Variants in VPS13C observed in about 807,000 individuals in gnomAD.
VPS13C encodes the protein intermembrane lipid transfer protein VPS13C.
VPS13C carries 358 observed loss-of-function variants against 456.8 expected under a neutral mutation model. That is an observed-to-expected ratio of 0.78 (90% confidence interval 0.72 to 0.86). The LOEUF (loss-of-function observed/expected upper bound fraction) is 0.86, where lower values mean the gene tolerates loss of function less well. VPS13C is among the 40% of genes least tolerant of loss of function. The probability of loss-of-function intolerance (pLI) is 0.00; values close to 1 mark genes in which losing one functional copy is unlikely to be tolerated. For missense variants in VPS13C, 4,818 were observed against 4,385.4 expected, an observed-to-expected ratio of 1.10 and a Z score of -2.79; for synonymous variants, 1,578 against 1,486.7, an observed-to-expected ratio of 1.06 and a Z score of -1.41.
intron 11 of VPS13C, 93 bp downstream of exon 11, chr15:62,012,946 G>A: frequency 1.4e-6 from 1 of 690,946 alleles, no homozygotes; most frequent in South Asian, 2.7e-5. Flanking sequence ...TTAAACAAAT[G>A]GCTGATATCC....
rs200185661 is a variant in VPS13C at position 61,894,380 on chromosome 15, C to CAAT, written c.9106-3983_9106-3981dup. Among the ~76,000 whole-genome samples, 633 of 150,348 alleles carry CAAT rather than the reference C, an allele frequency of 4.2e-3. 4 individuals carry two copies. The highest frequency in any genetic ancestry group is 0.015 in the African/African-American group (604 of 41,092). On this transcript the variant is annotated intron_variant, in intron 66 of 84. Transcript: ENST00000644861. ...ATGGCAGTAGTAAGTCCTTACTTAT[C>CAAT]AATAATAATAATGAATGTAAATAGA...
Position 62,023,562 on chromosome 15 carries a change from C to T in VPS13C, c.515-42G>A, listed in dbSNP as rs760794056. 1.5e-5 allele frequency: 21 copies of T among 1,401,478 alleles called. No individual in the cohort carries two copies. In the South Asian group the frequency reaches 2.7e-4, roughly 18 times the overall value. 86.8% of individuals were successfully genotyped at this position (1,401,478 alleles called of 1,614,324 possible). ...AAATACAAGCTCAAGAGTTGAAATT[C>T]TCATATACCTCAAAATTAATAACCA... On this transcript the variant is annotated intron_variant, in intron 7 of 84. Coordinates refer to ENST00000644861, the MANE Select transcript of VPS13C (RefSeq NM_020821.3).
rs1276915471 is a variant in VPS13C at position 61,951,810 on chromosome 15, T to C, written c.4456+14A>G. On this transcript the variant is annotated intron_variant, in intron 39 of 84. Transcript: ENST00000644861. ...CCTAATGAATAATTTACACAGACAA[T>C]ATTTCACACTTACCAGTGAAATCAA... 1 of 1,601,562 alleles carries C rather than the reference T, an allele frequency of 6.2e-7. No individual in the cohort carries two copies. The highest frequency in any genetic ancestry group is 1.3e-5 in the African/African-American group (1 of 74,468).
chr15:61,921,021 G>A (rs915531445), intron 55 of VPS13C, among the ~76,000 whole-genome samples: 1 of 152,010 alleles, frequency 6.6e-6, no homozygotes, highest in African/African-American at 2.4e-5. Context: ...GTGCCACCTG[G>A]AAATGTTTCT....
At chr15:61,915,349 T>G (rs2043436082) in intron 61 of VPS13C, among the ~76,000 whole-genome samples, 1 of 152,182 alleles carries the variant, frequency 6.6e-6, no homozygotes. Context: ...ACTGGTAAAG[T>G]ACATAAATTC....
At chr15:61,855,073 C>G in intron 83 of VPS13C, 119 bp from the exon 84 acceptor site, 1 of 723,130 alleles carries the variant, frequency 1.4e-6, no homozygotes, top group Admixed American at 3.3e-5. Flanking sequence ...TAACCAAATA[C>G]ACATATTCAA....
rs186925143 is a variant in VPS13C at position 61,966,238 on chromosome 15, A to G, written c.2992-96T>C. ...CTGGTTAATTTATTTATAGTTATAA[A>G]TGTATTTTATATACACTGTATATTT... On this transcript the variant is annotated intron_variant, in intron 29 of 84. Transcript: ENST00000644861. 1.0e-4 allele frequency: 81 copies of G among 776,250 alleles called. No individual in the cohort carries two copies. In the African/African-American group the frequency reaches 1.3e-3, roughly 13 times the overall value. The allele number at this position is 776,250 out of a possible 1,614,324, so 48.1% of individuals were successfully genotyped here.
chr15:61,925,805 C>G (rs1266034987), intron 52 of VPS13C, among the ~76,000 whole-genome samples: 1 of 152,162 alleles, frequency 6.6e-6, no homozygotes, highest in East Asian at 1.9e-4. Context: ...AGTAATAAAG[C>G]AGATTTACTG....
chr15:61,965,611 AG>A, intron 30 of VPS13C, among the ~76,000 whole-genome samples: 1 of 152,066 alleles, frequency 6.6e-6, no homozygotes, highest in East Asian at 1.9e-4. Context: ...CTCTCAAAAA[AG>A]TGTGAGCTAA....
chr15:61,929,852 C>A (rs1007292084), intron 50 of VPS13C, 104 bp from the exon 51 acceptor site: 4 of 1,180,608 alleles, frequency 3.4e-6, no homozygotes, highest in East Asian at 2.6e-5. Flanking sequence ...CTTTCAGTTT[C>A]TAATCTGTAT....
chr15:61,874,789 A>T, intron 77 of VPS13C, 87 bp downstream of exon 77: 1 of 1,216,070 alleles, frequency 8.2e-7, no homozygotes. Context: ...CTCCTTTATT[A>T]AATAAAAGCA....
intron 62 of VPS13C, 42 bp from the exon 63 acceptor site, chr15:61,912,046 T>C (rs1308160150): frequency 2.0e-6 from 3 of 1,509,868 alleles, no homozygotes; most frequent in Admixed American, 2.0e-5. Context: ...TTATTCAATG[T>C]CTTTGAAATA....
intron 82 of VPS13C, 99 bp from the exon 83 acceptor site, chr15:61,856,508 T>A: frequency 7.1e-7 from 1 of 1,404,518 alleles, no homozygotes; most frequent in Non-Finnish European, 9.7e-7. Flanking sequence ...AGCACTTGCT[T>A]AGTAAACAAT....
chr15:61,881,380 T>C (rs1895834920), intron 71 of VPS13C, among the ~76,000 whole-genome samples, 183 bp downstream of exon 71: 1 of 151,836 alleles, frequency 6.6e-6, no homozygotes, highest in African/African-American at 2.4e-5. Context: ...CACTTTAAAA[T>C]ATGTAGAGAC....
Position 61,994,250 on chromosome 15 carries a change from G to C in VPS13C, c.1354-2448C>G, listed in dbSNP as rs539612555. 2.0e-5 allele frequency among the ~76,000 whole-genome samples: 3 copies of C among 152,172 alleles called. No individual in the cohort carries two copies. The South Asian group carries it at 6.2e-4, about 32-fold the overall frequency. On this transcript the variant is annotated intron_variant, in intron 16 of 84. Coordinates refer to ENST00000644861, the MANE Select transcript of VPS13C (RefSeq NM_020821.3). The stretch of plus-strand genomic sequence containing the variant: ...CTTTGTCTACTGCATCCCAATATTA[G>C]TTCTCTTTCTTCACTTTTTAAGCAA...
At chr15:61,950,578 C>T (rs2044753729) in intron 40 of VPS13C, among the ~76,000 whole-genome samples, 161 bp from the exon 41 acceptor site, 2 of 150,162 alleles carry the variant, frequency 1.3e-5, no homozygotes, top group South Asian at 2.1e-4. Context: ...CAAAAACAAA[C>T]TGACCACATA....
chr15:61,873,190 T>G, intron 78 of VPS13C, 56 bp downstream of exon 78: 1 of 1,606,078 alleles, frequency 6.2e-7, no homozygotes, highest in South Asian at 1.1e-5. Context: ...CACAACCAGC[T>G]AGAATACACT....
intron 64 of VPS13C, 63 bp downstream of exon 64, chr15:61,910,114 C>A: frequency 1.0e-6 from 1 of 991,462 alleles, no homozygotes; most frequent in Non-Finnish European, 1.2e-6. Flanking sequence ...TACCCTAGAA[C>A]TTAAAGTATA....
chr15:61,905,693 T>A (rs1442968693), intron 66 of VPS13C, among the ~76,000 whole-genome samples: 2 of 152,130 alleles, frequency 1.3e-5, no homozygotes, highest in Non-Finnish European at 2.9e-5. Flanking sequence ...ACAGCAAAGT[T>A]TTACTTATTT....
Sources: allele counts gnomAD v4.1 joint callset (sites outside exome capture counted in the v4.1 genomes callset), GRCh38; gene constraint gnomAD v4.1.1; transcripts MANE v1.5; gene names NCBI Gene and HGNC (gene_info 2026-07-23, HGNC 2026-07-21).